The following UNC93A variants were observed in gnomAD, a reference collection of about 807,000 sequenced individuals.
The protein encoded by UNC93A is unc-93 homolog A.
A neutral mutation model predicts 47.5 loss-of-function variants in UNC93A; 43 were observed. The ratio of observed to expected loss-of-function variants is 0.91; its 90% CI spans 0.71 to 1.17. UNC93A has a LOEUF of 1.17. UNC93A is among the 50% of genes most tolerant of loss of function. The probability of loss-of-function intolerance (pLI) is 0.00; values close to 1 mark genes in which losing one functional copy is unlikely to be tolerated. For synonymous variants in UNC93A, 280 were observed against 258.0 expected (o/e 1.09, Z -0.82); for missense variants, 605 against 577.6 (o/e 1.05, Z -0.49).
intron 4 of UNC93A, 43 bp downstream of exon 4, chr6:167,298,113 G>A (rs769308724): frequency 3.8e-6 from 6 of 1,592,134 alleles, no homozygotes; most frequent in Admixed American, 1.8e-5. Flanking sequence ...TAGCAAAGCA[G>A]AGCCAAGCCT....
At chr6:167,286,289 C>A (rs1324833884) in intron 1 of UNC93A, among the ~76,000 whole-genome samples, 1 of 152,194 alleles carries the variant, frequency 6.6e-6, no homozygotes, top group African/African-American at 2.4e-5. Flanking sequence ...CCAGCAGGAG[C>A]AGCTGCTGAG....
chr6:167,310,543 C>T (rs900788377), intron 7 of UNC93A, among the ~76,000 whole-genome samples: 9 of 152,234 alleles, frequency 5.9e-5, no homozygotes, highest in African/African-American at 2.2e-4. Flanking sequence ...TAAATTGAAA[C>T]TGTTTCTGTC....
chr6:167,296,031 G>C lies in UNC93A; in HGVS notation c.270-1G>C, dbSNP rs1368623847. 1.2e-6 allele frequency: 2 copies of C among 1,613,892 alleles called. No homozygotes were observed. The highest frequency in any genetic ancestry group is 1.1e-5 in the South Asian group (1 of 91,066). On this transcript the variant is annotated splice_acceptor_variant, in intron 2 of 7. Coordinates refer to ENST00000230256, the MANE Select transcript of UNC93A (RefSeq NM_018974.4). LOFTEE classifies it high-confidence loss of function. ...GCTATGGGTCTGCATTTTACCCACA[G>C]GTACACTTTGATCCCCACCTCCATA...
intron 1 of UNC93A, among the ~76,000 whole-genome samples, chr6:167,271,792 T>C (rs182246384): frequency 2.0e-5 from 3 of 152,320 alleles, no homozygotes; most frequent in African/African-American, 7.2e-5. Flanking sequence ...TTATTAGAAC[T>C]TGGGCTGATA....
upstream of UNC93A, among the ~76,000 whole-genome samples, chr6:167,290,677 C>T (rs1215443153): frequency 6.6e-6 from 1 of 152,150 alleles, no homozygotes; most frequent in African/African-American, 2.4e-5. Flanking sequence ...TGCCACATTT[C>T]AGAACTCAAT....
At chr6:167,294,143 G>A (rs968826540) in intron 1 of UNC93A, among the ~76,000 whole-genome samples, 3 of 152,098 alleles carry the variant, frequency 2.0e-5, no homozygotes, top group South Asian at 2.1e-4. Flanking sequence ...CTGGGAGCAC[G>A]CAGGCTCCTC....
At chr6:167,298,188 C>G (rs1026716179) in intron 4 of UNC93A, 118 bp downstream of exon 4, 8 of 1,445,446 alleles carry the variant, frequency 5.5e-6, no homozygotes, top group Admixed American at 4.9e-5. Context: ...TCTGAAATAT[C>G]CTTGCAAAAT....
chr6:167,296,469 A>G (rs1019188644), intron 3 of UNC93A, among the ~76,000 whole-genome samples: 1 of 152,218 alleles, frequency 6.6e-6, no homozygotes, highest in African/African-American at 2.4e-5. Flanking sequence ...GGGACTGAAG[A>G]AGATCTGCGT....
At chr6:167,298,823 T>C (rs910775190) in intron 4 of UNC93A, among the ~76,000 whole-genome samples, 1 of 152,018 alleles carries the variant, frequency 6.6e-6, no homozygotes, top group Admixed American at 6.5e-5. Context: ...TTTAAATATT[T>C]TTTTTTTTGG....
intron 4 of UNC93A, among the ~76,000 whole-genome samples, chr6:167,301,325 C>T (rs1778234848): frequency 6.6e-6 from 1 of 152,250 alleles, no homozygotes; most frequent in Non-Finnish European, 1.5e-5. Context: ...AGAGATCACA[C>T]ACATGTAAAT....
intron 4 of UNC93A, among the ~76,000 whole-genome samples, chr6:167,302,970 G>T (rs979460799): frequency 6.6e-6 from 1 of 152,118 alleles, no homozygotes; most frequent in Admixed American, 6.5e-5. Flanking sequence ...TCTGTCCAGC[G>T]TGTCCGCACC....
intron 6 of UNC93A, among the ~76,000 whole-genome samples, chr6:167,306,585 A>C (rs1036576789): frequency 6.6e-6 from 1 of 152,180 alleles, no homozygotes; most frequent in Non-Finnish European, 1.5e-5. Context: ...GGCACTACGA[A>C]AAACAGCGCC....
intron 1 of UNC93A, among the ~76,000 whole-genome samples, chr6:167,282,906 T>C (rs894481012): frequency 5.3e-5 from 8 of 152,176 alleles, no homozygotes; most frequent in African/African-American, 1.9e-4. Context: ...TTCTGATTGG[T>C]AATCGGTTGA....
chr6:167,275,037 C>T (rs1395052667), intron 1 of UNC93A, among the ~76,000 whole-genome samples: 2 of 152,188 alleles, frequency 1.3e-5, no homozygotes, highest in Non-Finnish European at 2.9e-5. Flanking sequence ...TTCTGCTTTT[C>T]CAATGGCAGC....
intron 1 of UNC93A, among the ~76,000 whole-genome samples, chr6:167,274,428 A>T (rs532226310): frequency 6.6e-6 from 1 of 152,206 alleles, no homozygotes; most frequent in South Asian, 2.1e-4. Context: ...TACAGCTGGG[A>T]TGGTTATTTC....
chr6:167,287,689 G>A (rs1321860236), upstream of UNC93A, among the ~76,000 whole-genome samples: 3 of 151,240 alleles, frequency 2.0e-5, no homozygotes, highest in African/African-American at 7.3e-5. Context: ...AAAAGGGTGT[G>A]TGTGTGTGTG....
Position 167,291,457 on chromosome 6 carries a change from G to A in UNC93A, c.-33G>A. On this transcript the variant is annotated 5_prime_UTR_variant, in exon 1 of 8. Transcript: ENST00000230256. ...CTTTTAGGGAGCTACAAATTTACGT[G>A]TTCACTGGTGATTGATCTTTTCATC... 2 of 1,602,070 alleles carry A rather than the reference G, an allele frequency of 1.2e-6. No homozygotes were observed. Among genetic ancestry groups the A allele is most frequent in the South Asian group, 2.2e-5 (2 of 89,082 alleles).
intron 1 of UNC93A, among the ~76,000 whole-genome samples, chr6:167,283,541 G>A (rs1047630796): frequency 9.9e-5 from 15 of 152,244 alleles, no homozygotes; most frequent in African/African-American, 3.4e-4. Context: ...AAGTGGGAAG[G>A]GTAAGGTGGC....
chr6:167,300,075 G>A (rs1317314985), intron 4 of UNC93A, among the ~76,000 whole-genome samples: 1 of 151,750 alleles, frequency 6.6e-6, no homozygotes, highest in Non-Finnish European at 1.5e-5. Flanking sequence ...AGAGAAGACA[G>A]CCCTGGGGTT....
Sources: allele counts gnomAD v4.1 joint callset (sites outside exome capture counted in the v4.1 genomes callset), GRCh38; gene constraint gnomAD v4.1.1; transcripts MANE v1.5; gene names NCBI Gene and HGNC (gene_info 2026-07-23, HGNC 2026-07-21).